PSPC1: variants seen among roughly 807,000 people sequenced by gnomAD.
PSPC1 encodes the protein paraspeckle protein 1.
In PSPC1, 14 loss-of-function variants were observed where a neutral mutation model predicts 51.6. That is an observed-to-expected ratio of 0.27 (90% CI 0.18 to 0.42). The LOEUF (loss-of-function observed/expected upper bound fraction) is 0.42, where lower values mean the gene tolerates loss of function less well. Ranked by LOEUF, PSPC1 falls within the 10% of genes least tolerant of loss-of-function variation. The pLI, the probability that PSPC1 is intolerant of heterozygous loss-of-function variation, is 1.00. For missense variants in PSPC1, 406 were observed against 701.1 expected (o/e 0.58, Z 4.75); for synonymous variants, 193 against 231.9 (o/e 0.83, Z 1.53).
chr13:19,745,955 C>G (rs1885929351), intron 4 of PSPC1, among the ~76,000 whole-genome samples: 1 of 151,252 alleles, frequency 6.6e-6, no homozygotes, highest in African/African-American at 2.4e-5. Context: ...TGATGTTTAT[C>G]CTCTGTTGAT....
rs1883883495 is a variant in PSPC1, at chr13:19,730,284, T to C, written c.1113A>G (p.Glu371=). The part of the protein sequence containing the change: ...EEMIRHREQE[E]LRRQQEGFKP... ...TAAAGCCCTCTTGCTGTCGCCTCAG[T>C]TCCTCCTGTTCTCTGTGTCGGATCA... Residue 371 remains glutamate, a synonymous_variant, in exon 6 of 9, where the codon GAA becomes GAG. Transcript: ENST00000338910. The C allele has an allele frequency of 3.1e-6, 5 of 1,614,186 alleles. No individual in the cohort carries two copies. Among genetic ancestry groups the C allele is most frequent in the Non-Finnish European group, 3.4e-6 (4 of 1,180,020 alleles).
At chr13:19,749,637 C>CGT (rs371067954) in intron 4 of PSPC1, among the ~76,000 whole-genome samples, 5 of 138,322 alleles carry the variant, frequency 3.6e-5, no homozygotes, top group African/African-American at 1.3e-4. Context: ...GACAGTTTAT[C>CGT]TTTTTTTTTT....
At chr13:19,763,594 G>A (rs891782512) in intron 2 of PSPC1, among the ~76,000 whole-genome samples, 8 of 152,178 alleles carry the variant, frequency 5.3e-5, no homozygotes, top group African/African-American at 1.9e-4. Context: ...AGTTTTCTCT[G>A]AAGTTTTCTC....
intron 6 of PSPC1, among the ~76,000 whole-genome samples, chr13:19,687,668 T>TCCCCTATTTTAAGTTAACCA (rs142473484): frequency 1.3e-5 from 2 of 151,748 alleles, no homozygotes; most frequent in African/African-American, 4.9e-5. Context: ...TCCACATAAA[T>TCCCCTATTTTAAGTTAACCA]CCCAGTCGTG....
intron 4 of PSPC1, among the ~76,000 whole-genome samples, chr13:19,749,282 A>G (rs1164379855): frequency 9.9e-5 from 15 of 152,078 alleles, no homozygotes. Context: ...CCCGAGGTGG[A>G]GGTTGCAGTG....
At chr13:19,704,930 C>A (rs1211507055) in intron 8 of PSPC1, among the ~76,000 whole-genome samples, 9 of 151,760 alleles carry the variant, frequency 5.9e-5, no homozygotes, top group Admixed American at 4.6e-4. Context: ...CAGCCAAATT[C>A]TTTGCAATAA....
chr13:19,704,697 G>A (rs1474642118), intron 8 of PSPC1, among the ~76,000 whole-genome samples: 1 of 151,976 alleles, frequency 6.6e-6, no homozygotes, highest in Non-Finnish European at 1.5e-5. Context: ...TAATAGAAAT[G>A]ATAAAAGGTA....
At chr13:19,696,657 C>T (rs1452466510) in intron 6 of PSPC1, among the ~76,000 whole-genome samples, 1 of 152,102 alleles carries the variant, frequency 6.6e-6, no homozygotes, top group Admixed American at 6.6e-5. Context: ...GAAAGTCAGG[C>T]CATCATTTTA....
chr13:19,755,796 G>C (rs910547630), intron 3 of PSPC1, among the ~76,000 whole-genome samples: 4 of 152,066 alleles, frequency 2.6e-5, no homozygotes, highest in African/African-American at 9.7e-5. Context: ...TTCAAGGTTT[G>C]GTCCTTTGAC....
rs575461979 is a variant in PSPC1 at position 19,774,823 on chromosome 13, A to T, written c.373-2280T>A. ...CTGTGTCCAAAAAAAAAAAAACAAA[A>T]AAAAAAAAGAAAAAGAAAAAGAAAG... On this transcript the variant is annotated intron_variant, in intron 1 of 8. Coordinates refer to ENST00000338910, the MANE Select transcript of PSPC1 (RefSeq NM_001354909.2). Among the ~76,000 whole-genome samples, 167 of 151,082 alleles carry T rather than the reference A, an allele frequency of 1.1e-3. 1 individual carries two copies. Among genetic ancestry groups the T allele is most frequent in the Middle Eastern group, 6.8e-3 (2 of 294 alleles).
intron 5 of PSPC1, among the ~76,000 whole-genome samples, chr13:19,730,702 A>G (rs1883941730): frequency 6.6e-6 from 1 of 152,130 alleles, no homozygotes; most frequent in African/African-American, 2.4e-5. Flanking sequence ...TCACACCTGT[A>G]ATCCCAGCAC....
chr13:19,696,154 A>G (rs1261059304), intron 6 of PSPC1, among the ~76,000 whole-genome samples: 2 of 152,202 alleles, frequency 1.3e-5, no homozygotes, highest in Non-Finnish European at 2.9e-5. Flanking sequence ...TGGCTGATTC[A>G]TGTGGAAAAC....
At chr13:19,678,928 A>AT (rs1028156946) in intron 6 of PSPC1, 3 of 151,976 alleles carry the variant, frequency 2.0e-5, no homozygotes, top group Non-Finnish European at 2.9e-5. Context: ...AGCTAGTTGT[A>AT]TTTTTTGTAG....
chr13:19,741,295 A>G (rs1222093529), intron 5 of PSPC1, among the ~76,000 whole-genome samples: 4 of 152,224 alleles, frequency 2.6e-5, no homozygotes, highest in Non-Finnish European at 4.4e-5. Flanking sequence ...GGAAAAATGG[A>G]TATTCACAGC....
At chr13:19,694,223 T>C (rs1221356765) in intron 6 of PSPC1, among the ~76,000 whole-genome samples, 1 of 150,934 alleles carries the variant, frequency 6.6e-6, no homozygotes, top group East Asian at 1.9e-4. Context: ...CCTTATTCAT[T>C]TTAAAAGGAA....
chr13:19,675,064 C>G (rs1391509963), intron 7 of PSPC1: 1 of 152,818 alleles, frequency 6.5e-6, no homozygotes, highest in African/African-American at 2.4e-5. Context: ...ATCTGTCCGC[C>G]TGGCACCACT....
At chr13:19,773,383 G>C (rs1395647665) in intron 1 of PSPC1, among the ~76,000 whole-genome samples, 2 of 150,950 alleles carry the variant, frequency 1.3e-5, no homozygotes, top group African/African-American at 4.9e-5. Context: ...CCAAGTAGCT[G>C]GGATTACAGG....
chr13:19,768,228 C>A (rs1052991520), intron 2 of PSPC1, among the ~76,000 whole-genome samples: 17 of 150,346 alleles, frequency 1.1e-4, no homozygotes, highest in African/African-American at 4.2e-4. Context: ...GTGTCCCCCC[C>A]CAAAAAAATA....
At chr13:19,716,244 T>G (rs1317523922) in intron 6 of PSPC1, among the ~76,000 whole-genome samples, 1 of 152,192 alleles carries the variant, frequency 6.6e-6, no homozygotes, top group Non-Finnish European at 1.5e-5. Context: ...ACGTATATTT[T>G]GTGGGTGTAT....
Sources: allele counts gnomAD v4.1 joint callset (sites outside exome capture counted in the v4.1 genomes callset), GRCh38; gene constraint gnomAD v4.1.1; transcripts MANE v1.5; gene names NCBI Gene and HGNC (gene_info 2026-07-23, HGNC 2026-07-21).